The following NKX1-2 variants were observed in gnomAD, a reference collection of about 807,000 sequenced individuals.
The protein encoded by NKX1-2 is NK1 homeobox 2.
In NKX1-2, 1 loss-of-function variant was observed where a neutral mutation model predicts 4.4. The observed-to-expected ratio is 0.23, with a 90% CI of 0.08 to 1.08. The LOEUF is 1.08. Among genes scored for constraint, NKX1-2 ranks in the 50% least tolerant of loss-of-function variants. NKX1-2 has a pLI of 0.55. For synonymous variants in NKX1-2, 235 were observed against 228.0 expected (o/e 1.03, Z -0.28); for missense variants, 503 against 464.6 (o/e 1.08, Z -0.76).
Position 124,449,482 on chromosome 10 carries a change from G to C in NKX1-2, c.214+248C>G, listed in dbSNP as rs777534462. The C allele has an allele frequency of 1.4e-6, 1 of 692,276 alleles. No homozygotes were observed. The highest frequency in any genetic ancestry group is 1.5e-5 in the South Asian group (1 of 66,676). 42.9% of individuals were successfully genotyped at this position (692,276 alleles called of 1,614,324 possible). On this transcript the variant is annotated intron_variant, in intron 1 of 1. Transcript: ENST00000451024. This position sits in a 1 kb window ranked among gnomAD's most constrained non-coding sequence, Gnocchi z 7.5. ...AGGTAAGTTTCCACCGCGAGCATCAGAACTGTGGTGCGGGTGAGCTTGGCG... is the reference window on the plus strand; with the variant it reads ...AGGTAAGTTTCCACCGCGAGCATCACAACTGTGGTGCGGGTGAGCTTGGCG...
chr10:124,449,720 T>A lies in NKX1-2; in HGVS notation c.214+10A>T, dbSNP rs1387535700. The A allele has an allele frequency of 6.5e-7, 1 of 1,546,994 alleles. No homozygotes were observed. ...AGGCCTCCTGGGGCCGGGGCCGCCT[T>A]GCATCTTACCAGGGGTCTCCAGCTG... is the stretch of plus-strand genomic sequence containing the variant. On this transcript the variant is annotated intron_variant, in intron 1 of 1. Transcript: ENST00000451024. The surrounding 1 kb of genome is among the most constrained non-coding windows in gnomAD (Gnocchi z 7.5).
chr10:124,447,973 G>T lies in NKX1-2; in HGVS notation c.389C>A (p.Pro130His), dbSNP rs1450780273. The T allele has an allele frequency of 6.9e-7, 1 of 1,441,114 alleles. No homozygotes were observed. Among genetic ancestry groups the T allele is most frequent in the Admixed American group, 3.0e-5 (1 of 33,624 alleles). 89.3% of individuals were successfully genotyped at this position (1,441,114 alleles called of 1,614,324 possible). The change falls in exon 2 of 2, where the codon CCC (proline) becomes CAC (histidine). Residue 130 changes from proline (P) to histidine (H), a missense_variant. Coordinates refer to ENST00000451024, the MANE Select transcript of NKX1-2 (RefSeq NM_001146340.3). ...APAGALASGE[P>H]CEDGGGGPVR... The stretch of plus-strand genomic sequence containing the variant: ...AGGGCCGCCCCCGCCGTCCTCGCAG[G>T]GCTCCCCAGACGCCAATGCCCCGGC...
Position 124,448,165 on chromosome 10 carries a change from G to T in NKX1-2, c.215-18C>A. On this transcript the variant is annotated intron_variant, in intron 1 of 1. Transcript: ENST00000451024. The surrounding 1 kb of genome is among the most constrained non-coding windows in gnomAD (Gnocchi z 4.1). ...CGCAGCATCTAGGGGAGAAGGGGTC[G>T]GTGAACAGAAGCCTCTCCAGGTCCC... 7.0e-7 allele frequency: 1 copy of T among 1,433,466 alleles called. No homozygotes were observed. The highest frequency in any genetic ancestry group is 9.1e-7 in the Non-Finnish European group (1 of 1,100,776). The allele number at this position is 1,433,466 out of a possible 1,614,324, so 88.8% of individuals were successfully genotyped here. A position where few individuals can be genotyped will look rare whatever the true frequency, so the allele number is the denominator to read the frequency against.
Position 124,447,228 on chromosome 10 carries a change from T to G in NKX1-2, c.*201A>C. 2.6e-6 allele frequency: 1 copy of G among 385,136 alleles called. No homozygotes were observed. Among genetic ancestry groups the G allele is most frequent in the Non-Finnish European group, 4.6e-6 (1 of 216,270 alleles). The allele number at this position is 385,136 out of a possible 1,614,324, so 23.9% of individuals were successfully genotyped here. A position where few individuals can be genotyped will look rare whatever the true frequency, so the allele number is the denominator to read the frequency against. On this transcript the variant is annotated 3_prime_UTR_variant, in exon 2 of 2. Transcript: ENST00000451024. ...AGCAAGGTCCAGAAACGGCAAGGCT[T>G]GAGGTCAGCCTCCGTCCCCGGACAC... is the stretch of plus-strand genomic sequence containing the variant.
Position 124,447,759 on chromosome 10 carries a change from G to A in NKX1-2, c.603C>T (p.Ser201=). The A allele has an allele frequency of 6.7e-7, 1 of 1,482,536 alleles. No individual in the cohort carries two copies. Among genetic ancestry groups the A allele is most frequent in the Non-Finnish European group, 9.0e-7 (1 of 1,110,064 alleles). 91.8% of individuals were successfully genotyped at this position (1,482,536 alleles called of 1,614,324 possible). A position where few individuals can be genotyped will look rare whatever the true frequency, so the allele number is the denominator to read the frequency against. The stretch of plus-strand genomic sequence containing the variant: ...AGATTTTGACCTGCGTCTCGGTGAG[G>A]CTGAGAGACAGCGCGAGGTTCAGGC... ...CERLNLALSL[S]LTETQVKIWF... The change falls in exon 2 of 2, where the codon AGC becomes AGT. Residue 201 remains serine (S), a synonymous_variant. Coordinates refer to ENST00000451024, the MANE Select transcript of NKX1-2 (RefSeq NM_001146340.3).
Position 124,448,399 on chromosome 10 carries a change from G to A in NKX1-2, c.215-252C>T, listed in dbSNP as rs1245829276. On this transcript the variant is annotated intron_variant, in intron 1 of 1. Transcript: ENST00000451024. This position sits in a 1 kb window ranked among gnomAD's most constrained non-coding sequence, Gnocchi z 4.1. ...ACGCCAAATGAATGAATGACACCCC[G>A]CATTAAGAAAAAATAGTGACATTAT... 5 of 427,670 alleles carry A rather than the reference G, an allele frequency of 1.2e-5. No homozygotes were observed. Among genetic ancestry groups the A allele is most frequent in the Admixed American group, 4.5e-5 (1 of 22,452 alleles). The allele number at this position is 427,670 out of a possible 1,614,324, so 26.5% of individuals were successfully genotyped here. A position where few individuals can be genotyped will look rare whatever the true frequency, so the allele number is the denominator to read the frequency against.
At position 124,448,234 on chromosome 10, in the gene NKX1-2, C is replaced by T. The variant is rs3851562; in HGVS notation, c.215-87G>A. On this transcript the variant is annotated intron_variant, in intron 1 of 1. Coordinates refer to ENST00000451024, the MANE Select transcript of NKX1-2 (RefSeq NM_001146340.3). This position sits in a 1 kb window ranked among gnomAD's most constrained non-coding sequence, Gnocchi z 4.1. ...TCCCTAGAGCAAGCAGCTGTCCCCC[C>T]AACCCAACTCTGGGTGCTGCTCCTG... 0.11 allele frequency: 141,667 copies of T among 1,344,960 alleles called. 8,192 individuals carry two copies. The highest frequency in any genetic ancestry group is 0.12 in the Non-Finnish European group (123,258 of 1,051,962). The allele number at this position is 1,344,960 out of a possible 1,614,324, so 83.3% of individuals were successfully genotyped here. A position where few individuals can be genotyped will look rare whatever the true frequency, so the allele number is the denominator to read the frequency against.
rs1324991158 is a variant in NKX1-2, at chr10:124,449,107, C to G, written c.214+623G>C. Among the ~76,000 whole-genome samples, 1 of 152,198 alleles carries G rather than the reference C, an allele frequency of 6.6e-6. No homozygotes were observed. The highest frequency in any genetic ancestry group is 2.4e-5 in the African/African-American group (1 of 41,454). On this transcript the variant is annotated intron_variant, in intron 1 of 1. Coordinates refer to ENST00000451024, the MANE Select transcript of NKX1-2 (RefSeq NM_001146340.3). The surrounding 1 kb of genome is among the most constrained non-coding windows in gnomAD (Gnocchi z 7.5). ...GTGTCCGCCAGCGTTGGGAGTAATT[C>G]AGAAAGGGTTTCGAGAAGAAAGTAC...
Position 124,449,240 on chromosome 10 carries a change from TC to T in NKX1-2, c.214+489del, listed in dbSNP as rs1285131534. Among the ~76,000 whole-genome samples, 1 of 152,184 alleles carries T rather than the reference TC, an allele frequency of 6.6e-6. No individual in the cohort carries two copies. Among genetic ancestry groups the T allele is most frequent in the East Asian group, 1.9e-4 (1 of 5,182 alleles). On this transcript the variant is annotated intron_variant, in intron 1 of 1. Coordinates refer to ENST00000451024, the MANE Select transcript of NKX1-2 (RefSeq NM_001146340.3). This position sits in a 1 kb window ranked among gnomAD's most constrained non-coding sequence, Gnocchi z 7.5. ...GGGGCAGCCCAGCCCCGCAGGCGTCTCCGGGTGGCACCTGACCTCGCTACTC... is the reference window on the plus strand; with the variant it reads ...GGGGCAGCCCAGCCCCGCAGGCGTCTCGGGTGGCACCTGACCTCGCTACTC...
rs768556421 is a variant in NKX1-2 at position 124,448,130 on chromosome 10, C to A, written c.232G>T (p.Ala78Ser). 8.3e-5 allele frequency: 124 copies of A among 1,486,808 alleles called. No homozygotes were observed. The Admixed American group carries it at 1.2e-3, about 15-fold the overall frequency. 92.1% of individuals were successfully genotyped at this position (1,486,808 alleles called of 1,614,324 possible). ...LETPDAAGPG[A>S]GQASPLEGSE... ...CCCTCCAGGGGGGACGCCTGGCCGG[C>A]GCCTGGGCCCGCAGCATCTAGGGGA... Residue 78 changes from alanine to serine, a missense_variant, in exon 2 of 2, where the codon GCC becomes TCC. Coordinates refer to ENST00000451024, the MANE Select transcript of NKX1-2 (RefSeq NM_001146340.3). This position sits in a 1 kb window ranked among gnomAD's most constrained non-coding sequence, Gnocchi z 4.1.
Position 124,447,529 on chromosome 10 carries a change from G to A in NKX1-2, c.833C>T (p.Ser278Phe). 1 of 1,274,538 alleles carries A rather than the reference G, an allele frequency of 7.8e-7. No homozygotes were observed. The highest frequency in any genetic ancestry group is 9.9e-7 in the Non-Finnish European group (1 of 1,006,840). The allele number at this position is 1,274,538 out of a possible 1,614,324, so 79.0% of individuals were successfully genotyped here. A position where few individuals can be genotyped will look rare whatever the true frequency, so the allele number is the denominator to read the frequency against. The stretch of plus-strand genomic sequence containing the variant: ...AGCCGTCAGCGGGAAGGAGGCGGCG[G>A]ACGGGAAGAGGACATTGGCCGCGGA... Reference protein sequence around the residue: ...SYSAANVLFPSAASFPLTAAA... With the variant: ...SYSAANVLFPFAASFPLTAAA... Residue 278 changes from serine to phenylalanine, a missense_variant, in exon 2 of 2, where the codon TCC (serine) becomes TTC (phenylalanine). Transcript: ENST00000451024.
In NKX1-2 at chr10:124,446,608, G is replaced by A. The variant is rs1104647; in HGVS notation, c.*821C>T. ...ACTTCATGATATTAGTTGAGCCATC[G>A]CTGCCTTCATTATCATTTTTATGCC... is the stretch of plus-strand genomic sequence containing the variant. On this transcript the variant is annotated 3_prime_UTR_variant, in exon 2 of 2. Transcript: ENST00000451024. 58,682 of 151,982 alleles carry A rather than the reference G, an allele frequency of 0.39. 12,948 individuals are homozygous for A. The highest frequency in any genetic ancestry group is 0.61 in the African/African-American group (25,386 of 41,430). The allele number at this position is 151,982 out of a possible 1,614,324, so 9.4% of individuals were successfully genotyped here. A position where few individuals can be genotyped will look rare whatever the true frequency, so the allele number is the denominator to read the frequency against.
At position 124,445,407 on chromosome 10, in the gene NKX1-2, A is replaced by G. The variant is rs1291468394; in HGVS notation, c.*2022T>C. ...AACCAGAAGGGTCAGGAATTACAGCACCGTGCTGGGCCACGAACAGATCAG... is the reference window on the plus strand; with the variant it reads ...AACCAGAAGGGTCAGGAATTACAGCGCCGTGCTGGGCCACGAACAGATCAG... On this transcript the variant is annotated 3_prime_UTR_variant, in exon 2 of 2. Transcript: ENST00000451024. 6.6e-6 allele frequency: 1 copy of G among 152,176 alleles called. No individual in the cohort carries two copies. The highest frequency in any genetic ancestry group is 1.5e-5 in the Non-Finnish European group (1 of 68,040). The allele number at this position is 152,176 out of a possible 1,614,324, so 9.4% of individuals were successfully genotyped here. A position where few individuals can be genotyped will look rare whatever the true frequency, so the allele number is the denominator to read the frequency against.
chr10:124,449,332 G>A lies in NKX1-2; in HGVS notation c.214+398C>T, dbSNP rs1421185052. The A allele has an allele frequency of 1.1e-5, 5 of 446,150 alleles. No homozygotes were observed. Among genetic ancestry groups the A allele is most frequent in the Non-Finnish European group, 2.3e-5 (5 of 220,482 alleles). 27.6% of individuals were successfully genotyped at this position (446,150 alleles called of 1,614,324 possible). ...TCCATAAAATGGAGGTGATGTTAATGATGCTGTCCATCTCTCAGGTTCCGA... is the reference window on the plus strand; with the variant it reads ...TCCATAAAATGGAGGTGATGTTAATAATGCTGTCCATCTCTCAGGTTCCGA... On this transcript the variant is annotated intron_variant, in intron 1 of 1. Transcript: ENST00000451024. This position sits in a 1 kb window ranked among gnomAD's most constrained non-coding sequence, Gnocchi z 7.5.
Position 124,447,986 on chromosome 10 carries a change from C to T in NKX1-2, c.376G>A (p.Ala126Thr). The T allele has an allele frequency of 6.7e-7, 1 of 1,483,570 alleles. No individual in the cohort carries two copies. Among genetic ancestry groups the T allele is most frequent in the Middle Eastern group, 2.2e-4 (1 of 4,468 alleles). The allele number at this position is 1,483,570 out of a possible 1,614,324, so 91.9% of individuals were successfully genotyped here. Residue 126 changes from alanine (A) to threonine (T), a missense_variant, in exon 2 of 2, where the codon GCG becomes ACG. By Grantham distance (58) the Ala-to-Thr change is moderately conservative. Transcript: ENST00000451024. ...CCGTCCTCGCAGGGCTCCCCAGACG[C>T]CAATGCCCCGGCCGGGGCGTCAGGT... ...RSPDAPAGALASGEPCEDGGG... is the reference protein window; with the variant it reads ...RSPDAPAGALTSGEPCEDGGG...
chr10:124,449,921 C>T lies in NKX1-2; in HGVS notation c.23G>A (p.Gly8Glu), dbSNP rs1398350084. Residue 8 changes from glycine to glutamate, a missense_variant, in exon 1 of 2, where the codon GGG (glycine) becomes GAG (glutamate). Gly to Glu is a moderately conservative substitution (Grantham distance 98). Transcript: ENST00000451024. This position sits in a 1 kb window ranked among gnomAD's most constrained non-coding sequence, Gnocchi z 7.5. MLAWQDGGAKAAPSHHKI... is the reference protein window; with the variant it reads MLAWQDGEAKAAPSHHKI... Reference sequence around the variant, plus strand: ...GTGGTGGGAGGGAGCCGCCTTGGCCCCGCCGTCCTGCCATGCCAGCATGCC... The same window carrying T: ...GTGGTGGGAGGGAGCCGCCTTGGCCTCGCCGTCCTGCCATGCCAGCATGCC... 19 of 1,546,806 alleles carry T rather than the reference C, an allele frequency of 1.2e-5. No homozygotes were observed. Among genetic ancestry groups the T allele is most frequent in the Non-Finnish European group, 1.7e-5 (19 of 1,143,674 alleles).
At position 124,447,813 on chromosome 10, in the gene NKX1-2, C is replaced by G; in HGVS notation, c.549G>C (p.Arg183=). Reference sequence around the variant, plus strand: ...CGCACACTGACAGGTAGCGCGTGGCCCGGAACTTGTTCTCCAAGGCCACCA... The same window carrying G: ...CGCACACTGACAGGTAGCGCGTGGCGCGGAACTTGTTCTCCAAGGCCACCA... ...EQLVALENKF[R]ATRYLSVCER... The change falls in exon 2 of 2, where the codon CGG becomes CGC. Residue 183 remains arginine, a synonymous_variant. Transcript: ENST00000451024. 2 of 1,479,780 alleles carry G rather than the reference C, an allele frequency of 1.4e-6. No individual in the cohort carries two copies. Among genetic ancestry groups the G allele is most frequent in the South Asian group, 2.6e-5 (2 of 76,368 alleles). 91.7% of individuals were successfully genotyped at this position (1,479,780 alleles called of 1,614,324 possible).
rs1952231349 is a variant in NKX1-2 at position 124,445,592 on chromosome 10, T to C, written c.*1837A>G. 1 of 152,208 alleles carries C rather than the reference T, an allele frequency of 6.6e-6. No homozygotes were observed. Among genetic ancestry groups the C allele is most frequent in the African/African-American group, 2.4e-5 (1 of 41,452 alleles). The allele number at this position is 152,208 out of a possible 1,614,324, so 9.4% of individuals were successfully genotyped here. A position where few individuals can be genotyped will look rare whatever the true frequency, so the allele number is the denominator to read the frequency against. On this transcript the variant is annotated 3_prime_UTR_variant, in exon 2 of 2. Transcript: ENST00000451024. ...TTGTCTGTTTAATATGGGATATTGC[T>C]TTTGAGAAACCAACAAATAGTTATT...
Position 124,447,825 on chromosome 10 carries a change from C to T in NKX1-2, c.537G>A (p.Glu179=). 6.8e-7 allele frequency: 1 copy of T among 1,476,522 alleles called. No individual in the cohort carries two copies. The highest frequency in any genetic ancestry group is 1.5e-5 in the African/African-American group (1 of 68,522). The allele number at this position is 1,476,522 out of a possible 1,614,324, so 91.5% of individuals were successfully genotyped here. ...AFTYEQLVAL[E]NKFRATRYLS... The stretch of plus-strand genomic sequence containing the variant: ...GGTAGCGCGTGGCCCGGAACTTGTT[C>T]TCCAAGGCCACCAGCTGCTCGTAGG... Residue 179 remains glutamate (E), a synonymous_variant, in exon 2 of 2, where the codon GAG becomes GAA. Coordinates refer to ENST00000451024, the MANE Select transcript of NKX1-2 (RefSeq NM_001146340.3).
Sources: allele counts gnomAD v4.1 joint callset (sites outside exome capture counted in the v4.1 genomes callset), GRCh38; gene constraint gnomAD v4.1.1; non-coding constraint Gnocchi (gnomAD v3.1); transcripts MANE v1.5; gene names NCBI Gene and HGNC (gene_info 2026-07-23, HGNC 2026-07-21).